The following RPS6KC1 variants were observed in gnomAD, a reference collection of about 807,000 sequenced individuals.
The protein encoded by RPS6KC1 is inactive ribosomal protein S6 kinase delta-1.
RPS6KC1 carries 54 observed loss-of-function variants against 103.8 expected under a neutral mutation model. That is an observed-to-expected ratio of 0.52 (90% confidence interval 0.42 to 0.65). RPS6KC1 has a LOEUF of 0.65. Among genes scored for constraint, RPS6KC1 ranks in the 30% least tolerant of loss-of-function variants. RPS6KC1 has a pLI of 0.00. For missense variants in RPS6KC1, 1,151 were observed against 1,253.8 expected (o/e 0.92, Z 1.24); for synonymous variants, 439 against 438.7 (o/e 1.00, Z -0.01).
At chr1:213,854,242 A>T in the RPS6KC1 span, among the ~76,000 whole-genome samples, 1 of 152,172 alleles carries the variant, frequency 6.6e-6, no homozygotes, top group Non-Finnish European at 1.5e-5. Flanking sequence ...TTCCCCACGA[A>T]TCTCTGAGAC....
At chr1:213,549,676 A>G in the RPS6KC1 span, among the ~76,000 whole-genome samples, 3 of 139,860 alleles carry the variant, frequency 2.1e-5, no homozygotes, top group African/African-American at 5.4e-5. Flanking sequence ...AATGCCTCTA[A>G]CAACATCCCC....
At chr1:213,180,277 G>A (rs532757348) in intron 8 of RPS6KC1, among the ~76,000 whole-genome samples, 3 of 152,272 alleles carry the variant, frequency 2.0e-5, no homozygotes, top group African/African-American at 4.8e-5. Flanking sequence ...AGAACAACAA[G>A]TGCAAACTAA....
chr1:213,215,106 T>C (rs1439104405), intron 8 of RPS6KC1, among the ~76,000 whole-genome samples: 3 of 152,084 alleles, frequency 2.0e-5, no homozygotes, highest in Non-Finnish European at 4.4e-5. Flanking sequence ...TTTGAACCCA[T>C]GGCGAAGACG....
chr1:213,258,172 G>A (rs747692681), intron 12 of RPS6KC1, among the ~76,000 whole-genome samples: 29 of 151,812 alleles, frequency 1.9e-4, no homozygotes, highest in African/African-American at 5.1e-4. Flanking sequence ...TAGTAGAGAC[G>A]GGGTTTTACC....
At chr1:213,379,383 A>G in the RPS6KC1 span, among the ~76,000 whole-genome samples, 2 of 152,186 alleles carry the variant, frequency 1.3e-5, no homozygotes, top group Non-Finnish European at 2.9e-5. Context: ...ACAGATACAC[A>G]GGGAGGGTGC....
the RPS6KC1 span, among the ~76,000 whole-genome samples, chr1:213,574,922 G>A: frequency 6.6e-6 from 1 of 152,160 alleles, no homozygotes. Context: ...TCCATGACGG[G>A]TGAGAGCCAT....
intron 6 of RPS6KC1, among the ~76,000 whole-genome samples, chr1:213,159,732 A>C (rs994815963): frequency 1.3e-5 from 2 of 152,220 alleles, no homozygotes; most frequent in African/African-American, 4.8e-5. Context: ...TAGCAAAAGC[A>C]GAGAGATAGA....
At chr1:213,170,932 A>G (rs2091427425) in intron 7 of RPS6KC1, among the ~76,000 whole-genome samples, 1 of 152,196 alleles carries the variant, frequency 6.6e-6, no homozygotes. Context: ...AATTTGGTGC[A>G]AAGCAGATAT....
At chr1:213,432,942 G>T in the RPS6KC1 span, among the ~76,000 whole-genome samples, 6 of 152,240 alleles carry the variant, frequency 3.9e-5, no homozygotes, top group South Asian at 1.2e-3. Context: ...AAGCTGCTAT[G>T]AACATGTATT....
the RPS6KC1 span, among the ~76,000 whole-genome samples, chr1:213,812,071 AAAAC>A: frequency 3.3e-5 from 5 of 152,240 alleles, no homozygotes; most frequent in African/African-American, 1.2e-4. Flanking sequence ...TCTTAGAAAC[AAAAC>A]AAACAAAAAA....
At chr1:213,181,287 A>C (rs1424517880) in intron 8 of RPS6KC1, among the ~76,000 whole-genome samples, 2 of 152,188 alleles carry the variant, frequency 1.3e-5, no homozygotes, top group Admixed American at 1.3e-4. Flanking sequence ...AAAACAACTT[A>C]AATATGCTTT....
chr1:213,362,375 A>G, the RPS6KC1 span, among the ~76,000 whole-genome samples: 1 of 152,206 alleles, frequency 6.6e-6, no homozygotes, highest in Admixed American at 6.5e-5. Flanking sequence ...GCACTCTACC[A>G]TATGCTAGGC....
At chr1:213,313,910 G>A in the RPS6KC1 span, among the ~76,000 whole-genome samples, 2 of 152,040 alleles carry the variant, frequency 1.3e-5, no homozygotes, top group Admixed American at 6.6e-5. Flanking sequence ...CCGAGATGGC[G>A]CCACTGCACT....
chr1:213,284,427 A>G, the RPS6KC1 span, among the ~76,000 whole-genome samples: 1 of 87,072 alleles, frequency 1.1e-5, no homozygotes, highest in Non-Finnish European at 2.3e-5. Context: ...GCACAAGAAT[A>G]GCTTGAACCA....
At chr1:213,428,665 T>A in the RPS6KC1 span, 1 of 146,324 alleles carries the variant, frequency 6.8e-6, no homozygotes, top group Non-Finnish European at 1.5e-5. Flanking sequence ...CCTCTCTCTT[T>A]CTTGTGCTAT....
intron 8 of RPS6KC1, among the ~76,000 whole-genome samples, chr1:213,183,018 G>A (rs2092358985): frequency 6.6e-6 from 1 of 151,194 alleles, no homozygotes; most frequent in African/African-American, 2.4e-5. Flanking sequence ...AAGAAAACAG[G>A]AGTGGCTATA....
intron 12 of RPS6KC1, among the ~76,000 whole-genome samples, chr1:213,252,581 G>T (rs1456779019): frequency 6.6e-6 from 1 of 152,098 alleles, no homozygotes; most frequent in South Asian, 2.1e-4. Flanking sequence ...TTCTTATGTT[G>T]TCTTATTTAC....
rs534298090 is a variant in RPS6KC1, at chr1:213,230,516, C to G, written c.1064C>G (p.Thr355Arg). 3.1e-5 allele frequency: 50 copies of G among 1,605,634 alleles called. 1 individual carries two copies. The Admixed American group carries it at 4.8e-4, about 15-fold the overall frequency. ...VIDKVLLVMD[T>R]RTEQTFILKG... ...ATGTAGGTTTTACTTGTAATGGACA[C>G]AAGGACAGAACAGACTTTCATTTTA... The change falls in exon 9 of 15, where the codon ACA becomes AGA. Residue 355 changes from threonine to arginine, a missense_variant. Around this residue, in one of 3 missense-constraint regions of RPS6KC1, gnomAD observed 959 missense variants for 1,006.3 expected, o/e 0.95. Transcript: ENST00000366960.
intron 3 of RPS6KC1, among the ~76,000 whole-genome samples, chr1:213,101,890 T>A (rs1399167841): frequency 6.6e-6 from 1 of 152,212 alleles, no homozygotes. Context: ...TTAATCTAGT[T>A]GGCCAGTAGA....
Sources: gnomAD v4.1 joint callset for allele counts (sites outside exome capture counted in the v4.1 genomes callset) on GRCh38, gnomAD v4.1.1 for gene constraint, gnomAD v4.1.1 regional missense constraint, MANE v1.5 for transcripts, NCBI Gene and HGNC (gene_info 2026-07-23, HGNC 2026-07-21) for gene names.